OR2L5: variants seen among roughly 807,000 people sequenced by gnomAD.
OR2L5 encodes olfactory receptor family 2 subfamily L member 5.
For missense variants in OR2L5, 413 were observed against 381.6 expected, an observed-to-expected ratio of 1.08 and a Z score of -0.69; for synonymous variants, 169 against 142.0, an observed-to-expected ratio of 1.19 and a Z score of -1.35.
At position 248,022,725 on chromosome 1, in the gene OR2L5, T is replaced by C. The variant is rs1468834847; in HGVS notation, c.778T>C (p.Cys260Arg). Residue 260 changes from cysteine (C) to arginine (R), a missense_variant, in exon 2 of 2, where the codon TGT (cysteine) becomes CGT (arginine). Cys to Arg is a radical substitution (Grantham distance 180, BLOSUM62 -3). Transcript: ENST00000355281. ...TGCACCCTTTGCTTATACCTATCTA[T>C]GTCCAAGATCCCTGCGATCTCTGAC... ...YYAPFAYTYL[C>R]PRSLRSLTED... is the part of the protein sequence containing the mutation. 6 of 1,614,166 alleles carry C rather than the reference T, an allele frequency of 3.7e-6. No individual in the cohort carries two copies. The highest frequency in any genetic ancestry group is 4.5e-5 in the East Asian group (2 of 44,878).
chr1:248,018,339 A>G (rs966863888), intron 1 of OR2L5, among the ~76,000 whole-genome samples: 1 of 152,188 alleles, frequency 6.6e-6, no homozygotes, highest in East Asian at 1.9e-4. Flanking sequence ...TATAAAATAC[A>G]AATGATAGAA....
chr1:248,023,568 C>A lies in OR2L5; in HGVS notation c.*682C>A, dbSNP rs531819293. 1 of 152,316 alleles carries A rather than the reference C, an allele frequency of 6.6e-6. No individual in the cohort carries two copies. The highest frequency in any genetic ancestry group is 1.9e-4 in the East Asian group (1 of 5,188). The allele number at this position is 152,316 out of a possible 1,614,324, so 9.4% of individuals were successfully genotyped here. On this transcript the variant is annotated 3_prime_UTR_variant, in exon 2 of 2. Transcript: ENST00000355281. ...TGTCTCCTGAGTAGCCACGGGTATT[C>A]TCATGCAAGACGTTCTCTTCTGAAC...
At chr1:248,016,973 TGCC>T (rs762154367) in intron 1 of OR2L5, among the ~76,000 whole-genome samples, 2 of 152,178 alleles carry the variant, frequency 1.3e-5, no homozygotes, top group Non-Finnish European at 2.9e-5. Context: ...ATATTGCAAG[TGCC>T]AGTGTGTGGA....
chr1:248,019,856 G>A (rs1428105567), intron 1 of OR2L5, among the ~76,000 whole-genome samples: 1 of 151,920 alleles, frequency 6.6e-6, no homozygotes, highest in Non-Finnish European at 1.5e-5. Flanking sequence ...CTACAATCTT[G>A]GCTCACTGCA....
intron 1 of OR2L5, among the ~76,000 whole-genome samples, 177 bp from the exon 2 acceptor site, chr1:248,021,750 C>T (rs969815519): frequency 6.6e-6 from 1 of 152,032 alleles, no homozygotes; most frequent in African/African-American, 2.4e-5. Context: ...TTGTTAATTT[C>T]TTCCTTGTCT....
In OR2L5 at chr1:248,023,017, T is replaced by C; in HGVS notation, c.*131T>C. Reference sequence around the variant, plus strand: ...AATCCAGAATGTTTGTCTTTTAATTTAGTCTTGACATTATAGTTGCATATT... The same window carrying C: ...AATCCAGAATGTTTGTCTTTTAATTCAGTCTTGACATTATAGTTGCATATT... On this transcript the variant is annotated 3_prime_UTR_variant, in exon 2 of 2. Coordinates refer to ENST00000355281, the MANE Select transcript of OR2L5 (RefSeq NM_001258284.2). 1 of 860,854 alleles carries C rather than the reference T, an allele frequency of 1.2e-6. No homozygotes were observed. Among genetic ancestry groups the C allele is most frequent in the Non-Finnish European group, 1.7e-6 (1 of 571,454 alleles). 53.3% of individuals were successfully genotyped at this position (860,854 alleles called of 1,614,324 possible). A position where few individuals can be genotyped will look rare whatever the true frequency, so the allele number is the denominator to read the frequency against.
At chr1:248,021,267 A>G (rs1413133158) in intron 1 of OR2L5, among the ~76,000 whole-genome samples, 1 of 152,224 alleles carries the variant, frequency 6.6e-6, no homozygotes, top group Admixed American at 6.5e-5. Flanking sequence ...TCAAATATTA[A>G]TCTCTGGATA....
rs1662386239 is a variant in OR2L5 at position 248,022,989 on chromosome 1, A to T, written c.*103A>T. The T allele has an allele frequency of 1.9e-6, 2 of 1,050,588 alleles. No homozygotes were observed. The highest frequency in any genetic ancestry group is 2.8e-6 in the Non-Finnish European group (2 of 727,254). The allele number at this position is 1,050,588 out of a possible 1,614,324, so 65.1% of individuals were successfully genotyped here. ...TACATGCCCAGTATGTCAAACAGAG[A>T]TTAATCCAGAATGTTTGTCTTTTAA... is the stretch of plus-strand genomic sequence containing the variant. On this transcript the variant is annotated 3_prime_UTR_variant, in exon 2 of 2. Coordinates refer to ENST00000355281, the MANE Select transcript of OR2L5 (RefSeq NM_001258284.2).
At position 248,022,128 on chromosome 1, in the gene OR2L5, C is replaced by G; in HGVS notation, c.181C>G (p.Leu61Val). The G allele has an allele frequency of 6.2e-7, 1 of 1,613,948 alleles. No individual in the cohort carries two copies. The highest frequency in any genetic ancestry group is 8.5e-7 in the Non-Finnish European group (1 of 1,179,868). ...DTHLHTPMYFLLSQLSLIDLN... is the reference protein window; with the variant it reads ...DTHLHTPMYFVLSQLSLIDLN... ...CCATCTCCACACACCCATGTATTTC[C>G]TGCTTAGTCAGCTCTCCCTCATTGA... The change falls in exon 2 of 2, where the codon CTG becomes GTG. Residue 61 changes from leucine (L) to valine (V), a missense_variant. Coordinates refer to ENST00000355281, the MANE Select transcript of OR2L5 (RefSeq NM_001258284.2).
At chr1:248,016,408 T>C (rs569431791) in intron 1 of OR2L5, among the ~76,000 whole-genome samples, 4 of 152,278 alleles carry the variant, frequency 2.6e-5, no homozygotes, top group South Asian at 2.1e-4. Flanking sequence ...ATCTTCTTTC[T>C]TTGAAAATAT....
intron 1 of OR2L5, among the ~76,000 whole-genome samples, chr1:248,017,586 T>A (rs1247131925): frequency 6.6e-6 from 1 of 152,204 alleles, no homozygotes; most frequent in Non-Finnish European, 1.5e-5. Flanking sequence ...TGGGAAGTGC[T>A]TCCCCTTTCG....
chr1:248,022,219 TC>T lies in OR2L5; in HGVS notation c.273del (p.Ser92ProfsTer13). The T allele has an allele frequency of 6.2e-7, 1 of 1,614,168 alleles. No homozygotes were observed. The highest frequency in any genetic ancestry group is 1.1e-5 in the South Asian group (1 of 91,080). On this transcript the variant is annotated frameshift_variant, in exon 2 of 2. Transcript: ENST00000355281. LOFTEE classifies it low-confidence loss of function (END_TRUNC). ...GATTTTCTGTATGGAAACAAGTCTA[TC>T]TCCTTCATTGGGTGTGGGATTCAGA... ...ASDFLYGNKS[I>X]SFIGCGIQSF...
chr1:248,014,762 A>G (rs1662149589), intron 1 of OR2L5, among the ~76,000 whole-genome samples: 1 of 152,178 alleles, frequency 6.6e-6, no homozygotes, highest in Non-Finnish European at 1.5e-5. Context: ...TATGTCACAG[A>G]CAGCTCCTAA....
At chr1:248,017,939 C>T (rs531560344) in intron 1 of OR2L5, among the ~76,000 whole-genome samples, 2 of 152,022 alleles carry the variant, frequency 1.3e-5, no homozygotes, top group East Asian at 3.9e-4. Flanking sequence ...ACATTCGTAT[C>T]GAGACCATCC....
chr1:248,014,439 T>A (rs1397290382), intron 1 of OR2L5, among the ~76,000 whole-genome samples: 1 of 152,138 alleles, frequency 6.6e-6, no homozygotes, highest in Non-Finnish European at 1.5e-5. Flanking sequence ...TTGTGACAAA[T>A]TGTAGTGCTT....
chr1:248,023,377 G>C lies in OR2L5; in HGVS notation c.*491G>C, dbSNP rs1357280104. The C allele has an allele frequency of 1.3e-5, 2 of 152,166 alleles. No homozygotes were observed. The highest frequency in any genetic ancestry group is 4.8e-5 in the African/African-American group (2 of 41,398). The allele number at this position is 152,166 out of a possible 1,614,324, so 9.4% of individuals were successfully genotyped here. Reference sequence around the variant, plus strand: ...TACCTCAGGATAAATAAGTATGTCTGGGGTGAAGCCAATTTGCCTTTAGTA... The same window carrying C: ...TACCTCAGGATAAATAAGTATGTCTCGGGTGAAGCCAATTTGCCTTTAGTA... On this transcript the variant is annotated 3_prime_UTR_variant, in exon 2 of 2. Transcript: ENST00000355281.
Position 248,022,761 on chromosome 1 carries a change from G to T in OR2L5, c.814G>T (p.Val272Phe). The T allele has an allele frequency of 6.2e-7, 1 of 1,613,922 alleles. No individual in the cohort carries two copies. The highest frequency in any genetic ancestry group is 8.5e-7 in the Non-Finnish European group (1 of 1,179,996). ...CCTGCGATCTCTGACAGAGGACAAG[G>T]TTCTGGCTGTTTTCTACACCATCCT... is the stretch of plus-strand genomic sequence containing the variant. ...RSLRSLTEDK[V>F]LAVFYTILTP... Residue 272 changes from valine to phenylalanine, a missense_variant, in exon 2 of 2, where the codon GTT becomes TTT. Coordinates refer to ENST00000355281, the MANE Select transcript of OR2L5 (RefSeq NM_001258284.2).
In OR2L5 at chr1:248,022,361, A is replaced by G; in HGVS notation, c.414A>G (p.Arg138=). 1.2e-6 allele frequency: 2 copies of G among 1,614,134 alleles called. No individual in the cohort carries two copies. The highest frequency in any genetic ancestry group is 1.7e-6 in the Non-Finnish European group (2 of 1,180,024). ...ACTATCCCATCCGTATGAGCAAAAG[A>G]ATGTATGTGCTGATGATAACAGGAT... ...PLHYPIRMSK[R]MYVLMITGSW... The change falls in exon 2 of 2, where the codon AGA becomes AGG. Residue 138 remains arginine (R), a synonymous_variant. Transcript: ENST00000355281.
rs756291968 is a variant in OR2L5, at chr1:248,022,279, C to A, written c.332C>A (p.Ala111Glu). ...TTCATGACTTTTGCAGGTGCAGAAG[C>A]GCTGCTCCTGACATCAATGGCCTAT... is the stretch of plus-strand genomic sequence containing the variant. ...FFFMTFAGAE[A>E]LLLTSMAYDR... The change falls in exon 2 of 2, where the codon GCG (alanine) becomes GAG (glutamate). Residue 111 changes from alanine (A) to glutamate (E), a missense_variant. By Grantham distance (107) the Ala-to-Glu change is moderately radical. Transcript: ENST00000355281. 1.9e-6 allele frequency: 3 copies of A among 1,613,962 alleles called. No homozygotes were observed. Among genetic ancestry groups the A allele is most frequent in the Non-Finnish European group, 2.5e-6 (3 of 1,179,882 alleles).
Sources: allele counts gnomAD v4.1 joint callset (sites outside exome capture counted in the v4.1 genomes callset), GRCh38; gene constraint gnomAD v4.1.1; transcripts MANE v1.5; gene names NCBI Gene and HGNC (gene_info 2026-07-23, HGNC 2026-07-21).